Variants in STXBP6 observed in about 807,000 individuals in gnomAD.
The protein encoded by STXBP6 is syntaxin binding protein 6.
In STXBP6, 21 loss-of-function variants were observed where a neutral mutation model predicts 26.9. The observed-to-expected ratio is 0.78, with a 90% CI of 0.55 to 1.12. The LOEUF (loss-of-function observed/expected upper bound fraction) is 1.12, where lower values mean the gene tolerates loss of function less well. Ranked by LOEUF, STXBP6 falls within the 50% of genes most tolerant of loss-of-function variation. STXBP6 has a pLI of 0.00. For missense variants in STXBP6, 232 were observed against 257.9 expected (o/e 0.90, Z 0.69); for synonymous variants, 97 against 92.6 (o/e 1.05, Z -0.27).
At chr14:24,948,294 G>A (rs965011615) in intron 2 of STXBP6, among the ~76,000 whole-genome samples, 6 of 152,100 alleles carry the variant, frequency 3.9e-5, no homozygotes, top group African/African-American at 1.4e-4. Flanking sequence ...GAATCTCCAA[G>A]GAAAACTATA....
chr14:24,942,785 C>T (rs1287121803), intron 2 of STXBP6, among the ~76,000 whole-genome samples: 2 of 152,174 alleles, frequency 1.3e-5, no homozygotes, highest in African/African-American at 4.8e-5. Flanking sequence ...TAGTCCCAAT[C>T]CCACAGACCA....
chr14:24,885,192 AC>A (rs1276374929), intron 2 of STXBP6, among the ~76,000 whole-genome samples: 8 of 152,190 alleles, frequency 5.3e-5, no homozygotes, highest in African/African-American at 1.7e-4. Context: ...TCTATTCTTT[AC>A]TTAAATTCAA....
chr14:24,828,204 G>C (rs909068413), intron 4 of STXBP6, among the ~76,000 whole-genome samples: 1 of 152,040 alleles, frequency 6.6e-6, no homozygotes, highest in South Asian at 2.1e-4. Flanking sequence ...TTGCCAGATA[G>C]CAAGGATACC....
Position 25,024,241 on chromosome 14 carries a change from G to A in STXBP6, c.-33+25637C>T, listed in dbSNP as rs55640018. 7.2e-3 allele frequency among the ~76,000 whole-genome samples: 1,096 copies of A among 152,180 alleles called. 13 individuals are homozygous for A. Among genetic ancestry groups the A allele is most frequent in the African/African-American group, 0.025 (1,029 of 41,512 alleles). On this transcript the variant is annotated intron_variant, in intron 1 of 5. Transcript: ENST00000323944. ...GAAGAATTGCTTTAACCTGAGAGGC[G>A]GAGGTTGCAGTGAGCCGAGATTGTG... is the stretch of plus-strand genomic sequence containing the variant.
chr14:24,887,357 TATTA>T (rs2070628272), intron 2 of STXBP6, among the ~76,000 whole-genome samples: 1 of 152,172 alleles, frequency 6.6e-6, no homozygotes, highest in Non-Finnish European at 1.5e-5. Context: ...CATTCCCAAC[TATTA>T]ATTTTTCCAC....
intron 1 of STXBP6, among the ~76,000 whole-genome samples, chr14:24,996,963 T>C (rs980026671): frequency 3.3e-5 from 5 of 149,878 alleles, no homozygotes; most frequent in Admixed American, 1.3e-4. Context: ...CAAGAATGAA[T>C]TGAAATACAC....
intron 1 of STXBP6, among the ~76,000 whole-genome samples, chr14:25,037,101 A>G (rs1456452166): frequency 6.6e-6 from 1 of 152,024 alleles, no homozygotes; most frequent in Non-Finnish European, 1.5e-5. Context: ...ATGTGGCAGG[A>G]CCCTGAAAGG....
chr14:24,898,199 G>C (rs1205299902), intron 2 of STXBP6, among the ~76,000 whole-genome samples: 1 of 152,180 alleles, frequency 6.6e-6, no homozygotes, highest in Non-Finnish European at 1.5e-5. Flanking sequence ...GAGCATCCCA[G>C]GTTTGCATTC....
chr14:24,862,994 A>G (rs2069593926), intron 2 of STXBP6, among the ~76,000 whole-genome samples: 1 of 152,168 alleles, frequency 6.6e-6, no homozygotes, highest in South Asian at 2.1e-4. Context: ...AGATCGATCT[A>G]GTTAGTACTT....
chr14:25,038,008 C>T (rs912237165), intron 1 of STXBP6, among the ~76,000 whole-genome samples: 34 of 152,154 alleles, frequency 2.2e-4, no homozygotes, highest in African/African-American at 7.0e-4. Context: ...CCCATGACTA[C>T]AGATTTCAAG....
intron 2 of STXBP6, among the ~76,000 whole-genome samples, chr14:24,966,289 C>T (rs544881614): frequency 6.6e-6 from 1 of 152,160 alleles, no homozygotes; most frequent in Non-Finnish European, 1.5e-5. Context: ...ACAGCACATC[C>T]TCTAAATCCT....
intron 2 of STXBP6, among the ~76,000 whole-genome samples, chr14:24,891,932 CTTTCA>C (rs2070802102): frequency 6.6e-6 from 1 of 152,220 alleles, no homozygotes; most frequent in Non-Finnish European, 1.5e-5. Flanking sequence ...CCCCATTAAT[CTTTCA>C]GAGGAAAGCT....
At chr14:24,982,200 T>C (rs2074212583) in intron 1 of STXBP6, among the ~76,000 whole-genome samples, 1 of 152,160 alleles carries the variant, frequency 6.6e-6, no homozygotes, top group Non-Finnish European at 1.5e-5. Flanking sequence ...ATACATTTTA[T>C]TGAGACCCAA....
intron 4 of STXBP6, among the ~76,000 whole-genome samples, chr14:24,839,602 G>C (rs567422778): frequency 6.6e-6 from 1 of 152,088 alleles, no homozygotes; most frequent in Non-Finnish European, 1.5e-5. Flanking sequence ...TGGTAATCTT[G>C]TATATTGTGT....
intron 2 of STXBP6, among the ~76,000 whole-genome samples, chr14:24,878,034 G>A (rs2070210739): frequency 6.6e-6 from 1 of 152,006 alleles, no homozygotes; most frequent in Non-Finnish European, 1.5e-5. Flanking sequence ...TGAATCATCT[G>A]TTCATTTTTT....
chr14:24,860,418 C>T (rs1371222246), intron 2 of STXBP6, among the ~76,000 whole-genome samples: 1 of 152,072 alleles, frequency 6.6e-6, no homozygotes, highest in East Asian at 1.9e-4. Context: ...GGGAGAAGAG[C>T]TCATATACCG....
In STXBP6 at chr14:24,809,664, G is replaced by C. The variant is rs2067766589; in HGVS notation, c.*3045C>G. On this transcript the variant is annotated 3_prime_UTR_variant, in exon 6 of 6. Transcript: ENST00000323944. ...ACTGCAAGAAACAAATTTCATCACAGAGTTAAAATATTTAATGACAAAATT... is the reference window on the plus strand; with the variant it reads ...ACTGCAAGAAACAAATTTCATCACACAGTTAAAATATTTAATGACAAAATT... 1 of 152,164 alleles carries C rather than the reference G, an allele frequency of 6.6e-6. No homozygotes were observed. The highest frequency in any genetic ancestry group is 2.1e-4 in the South Asian group (1 of 4,828). The allele number at this position is 152,164 out of a possible 1,614,324, so 9.4% of individuals were successfully genotyped here.
At chr14:24,915,701 C>T (rs1345395801) in intron 2 of STXBP6, among the ~76,000 whole-genome samples, 1 of 152,052 alleles carries the variant, frequency 6.6e-6, no homozygotes, top group Non-Finnish European at 1.5e-5. Flanking sequence ...TCAGCTAGTT[C>T]TAATCCAGCT....
chr14:24,972,122 CACTGTCTGCTTAAATGTCAGATCTACTT>C (rs2073923573), intron 2 of STXBP6, among the ~76,000 whole-genome samples: 1 of 152,184 alleles, frequency 6.6e-6, no homozygotes, highest in Admixed American at 6.5e-5. Flanking sequence ...ATTTCCACTA[CACTGTCTGCTTAAATGTCAGATCTACTT>C]TATCAATCTA....
Sources: gnomAD v4.1 joint callset for allele counts (sites outside exome capture counted in the v4.1 genomes callset) on GRCh38, gnomAD v4.1.1 for gene constraint, MANE v1.5 for transcripts, NCBI Gene and HGNC (gene_info 2026-07-23, HGNC 2026-07-21) for gene names.